Variants in EYS observed in about 807,000 individuals in gnomAD.
EYS encodes protein eyes shut homolog.
EYS carries 250 observed loss-of-function variants against 282.1 expected under a neutral mutation model. The observed-to-expected ratio is 0.89, with a 90% CI of 0.80 to 0.98. The LOEUF (loss-of-function observed/expected upper bound fraction) is 0.98. EYS is among the 50% of genes least tolerant of loss of function. The probability of loss-of-function intolerance (pLI) is 0.00; values close to 1 mark genes in which losing one functional copy is unlikely to be tolerated. For synonymous variants in EYS, 1,355 were observed against 1,282.9 expected (o/e 1.06, Z -1.20); for missense variants, 4,016 against 3,709.0 (o/e 1.08, Z -2.15).
chr6:65,586,141 T>C (rs766971534), intron 2 of EYS, among the ~76,000 whole-genome samples: 21 of 152,102 alleles, frequency 1.4e-4, no homozygotes, highest in Admixed American at 4.6e-4. Context: ...AGAGAGGGTA[T>C]CTTGTTGGAT....
At chr6:65,651,870 C>A (rs548347164) in intron 1 of EYS, among the ~76,000 whole-genome samples, 188 of 152,064 alleles carry the variant, frequency 1.2e-3, no homozygotes, top group Non-Finnish European at 2.2e-3. Flanking sequence ...AATAAACTAA[C>A]CATTGTTATT....
At chr6:64,411,847 T>C (rs573539938) in intron 28 of EYS, among the ~76,000 whole-genome samples, 1 of 95,900 alleles carries the variant, frequency 1.0e-5, no homozygotes, top group South Asian at 3.4e-4. Flanking sequence ...CACATATATG[T>C]TTGCATATAT....
rs150314944 is a variant in EYS, at chr6:64,292,639, T to C, written c.6191+14331A>G. On this transcript the variant is annotated intron_variant, in intron 30 of 42. Coordinates refer to ENST00000503581, the MANE Select transcript of EYS (RefSeq NM_001142800.2). ...TTTACATCTTTGTTTTTTTGTGCTG[T>C]TTTCTGAAATATCTGACCTCTTCTT... Among the ~76,000 whole-genome samples the C allele has an allele frequency of 3.0e-3, 450 of 152,080 alleles. 1 individual carries two copies. Among genetic ancestry groups the C allele is most frequent in the African/African-American group, 0.01 (427 of 41,466 alleles).
At chr6:64,440,215 C>A (rs888930651) in intron 26 of EYS, among the ~76,000 whole-genome samples, 5 of 151,932 alleles carry the variant, frequency 3.3e-5, no homozygotes, top group African/African-American at 1.2e-4. Context: ...AGTTTGCTGT[C>A]TATCACAGGA....
At chr6:65,332,263 CTTTA>C in intron 11 of EYS, 5 of 653,546 alleles carry the variant, frequency 7.7e-6, no homozygotes, top group South Asian at 3.6e-5. Flanking sequence ...GCATTTTCTT[CTTTA>C]TTTATTCTAT....
At chr6:64,391,559 A>G (rs958264508) in intron 28 of EYS, among the ~76,000 whole-genome samples, 100 of 152,242 alleles carry the variant, frequency 6.6e-4, no homozygotes, top group Non-Finnish European at 1.3e-3. Flanking sequence ...AAAATACTTT[A>G]CAGTCAAGCA....
intron 5 of EYS, among the ~76,000 whole-genome samples, chr6:65,452,915 T>G (rs1764458142): frequency 6.6e-6 from 1 of 151,916 alleles, no homozygotes; most frequent in Non-Finnish European, 1.5e-5. Flanking sequence ...TAATGAGAAA[T>G]CCAAAAGAAG....
chr6:65,287,769 G>C (rs1179348465), intron 12 of EYS, among the ~76,000 whole-genome samples: 9 of 150,666 alleles, frequency 6.0e-5, no homozygotes, highest in Non-Finnish European at 1.5e-5. Context: ...TTGTTTTTTT[G>C]CCTTTTTATG....
At chr6:64,106,628 G>T (rs1272617107) in intron 31 of EYS, among the ~76,000 whole-genome samples, 1 of 150,338 alleles carries the variant, frequency 6.7e-6, no homozygotes, top group Non-Finnish European at 1.5e-5. Context: ...AGCTGGTTTT[G>T]TGTGTGTGTG....
intron 26 of EYS, among the ~76,000 whole-genome samples, chr6:64,532,135 A>G (rs953860938): frequency 6.6e-6 from 1 of 152,208 alleles, no homozygotes; most frequent in Non-Finnish European, 1.5e-5. Context: ...GACAGCAATA[A>G]AATTTTCCAG....
At chr6:64,177,331 A>C (rs1764666972) in intron 31 of EYS, among the ~76,000 whole-genome samples, 1 of 127,750 alleles carries the variant, frequency 7.8e-6, no homozygotes, top group South Asian at 2.5e-4. Flanking sequence ...AATTTCACAC[A>C]CTGTATATAT....
intron 37 of EYS, chr6:63,797,370 C>T (rs115960574): frequency 5.3e-5 from 8 of 152,242 alleles, no homozygotes; most frequent in South Asian, 4.1e-4. Flanking sequence ...AAGACCCAAA[C>T]GAGTGAAAGT....
intron 29 of EYS, among the ~76,000 whole-genome samples, chr6:64,330,165 T>C (rs1390431761): frequency 6.6e-6 from 1 of 152,192 alleles, no homozygotes; most frequent in Non-Finnish European, 1.5e-5. Context: ...CTTCGTGTTC[T>C]GTGGGAGGCT....
chr6:65,359,684 G>A, intron 8 of EYS, among the ~76,000 whole-genome samples: 1 of 151,908 alleles, frequency 6.6e-6, no homozygotes, highest in East Asian at 1.9e-4. Context: ...AAAATGAAAA[G>A]AAATTCCTTC....
chr6:64,424,562 C>T (rs1024429175), intron 28 of EYS, among the ~76,000 whole-genome samples: 4 of 152,180 alleles, frequency 2.6e-5, no homozygotes, highest in African/African-American at 7.2e-5. Flanking sequence ...GCAAACCCTG[C>T]GTGTTTTTAA....
At position 64,973,110 on chromosome 6, in the gene EYS, G is replaced by A. The variant is rs185859243; in HGVS notation, c.2259+24472C>T. On this transcript the variant is annotated intron_variant, in intron 14 of 42. Coordinates refer to ENST00000503581, the MANE Select transcript of EYS (RefSeq NM_001142800.2). ...TATATGATTTATAGCCCTATATACC[G>A]AAAGGACTAGAAATACTGTTATTTT... Among the ~76,000 whole-genome samples, 203 of 151,994 alleles carry A rather than the reference G, an allele frequency of 1.3e-3. 1 individual carries two copies. The highest frequency in any genetic ancestry group is 4.8e-3 in the East Asian group (25 of 5,158).
rs555133254 is a variant in EYS, at chr6:65,206,993, C to T, written c.2023+88870G>A. On this transcript the variant is annotated intron_variant, in intron 12 of 42. Coordinates refer to ENST00000503581, the MANE Select transcript of EYS (RefSeq NM_001142800.2). ...AAAAGGATGTTCCCTCTCAAAAATA[C>T]TATTCAACATAGTAGTTGAATTCGT... 2.0e-5 allele frequency among the ~76,000 whole-genome samples: 3 copies of T among 151,782 alleles called. No individual in the cohort carries two copies. In the South Asian group the frequency reaches 6.2e-4, roughly 31 times the overall value.
intron 34 of EYS, among the ~76,000 whole-genome samples, chr6:63,992,976 G>A (rs1005626715): frequency 6.6e-6 from 1 of 151,744 alleles, no homozygotes; most frequent in Admixed American, 6.6e-5. Context: ...CTTGAGATCT[G>A]ATGGTTTTAT....
At chr6:65,324,830 T>G (rs1416613431) in intron 11 of EYS, among the ~76,000 whole-genome samples, 1 of 152,212 alleles carries the variant, frequency 6.6e-6, no homozygotes, top group Non-Finnish European at 1.5e-5. Context: ...GAGAGTCAGG[T>G]TCTCCAAAAA....
Sources: allele counts gnomAD v4.1 joint callset (sites outside exome capture counted in the v4.1 genomes callset), GRCh38; gene constraint gnomAD v4.1.1; transcripts MANE v1.5; gene names NCBI Gene and HGNC (gene_info 2026-07-23, HGNC 2026-07-21).